The following GPR139 variants were observed in gnomAD, a reference collection of about 807,000 sequenced individuals.
GPR139 encodes probable G protein-coupled receptor 139.
In GPR139, 12 loss-of-function variants were observed where a neutral mutation model predicts 25.8. The observed-to-expected ratio is 0.47, with a 90% CI of 0.30 to 0.75. The LOEUF (loss-of-function observed/expected upper bound fraction) is 0.75. Among genes scored for constraint, GPR139 ranks in the 30% least tolerant of loss-of-function variants. GPR139 has a pLI of 0.07. For synonymous variants in GPR139, 184 were observed against 179.9 expected (o/e 1.02, Z -0.18); for missense variants, 380 against 450.2 (o/e 0.84, Z 1.41).
chr16:20,063,166 A>G (rs1045466311), intron 1 of GPR139, among the ~76,000 whole-genome samples: 2 of 152,222 alleles, frequency 1.3e-5, no homozygotes, highest in Admixed American at 1.3e-4. Context: ...TGGTTATTCT[A>G]TTGGACGGCA....
chr16:20,045,441 T>G (rs1383916444), intron 1 of GPR139, among the ~76,000 whole-genome samples: 3 of 152,226 alleles, frequency 2.0e-5, no homozygotes, highest in Non-Finnish European at 4.4e-5. Flanking sequence ...GACCCAGGAT[T>G]CAAAAACAAT....
At chr16:20,065,464 C>A (rs941773402) in intron 1 of GPR139, among the ~76,000 whole-genome samples, 1 of 152,134 alleles carries the variant, frequency 6.6e-6, no homozygotes, top group African/African-American at 2.4e-5. Flanking sequence ...AGCTGAGAAG[C>A]AGTACTGAAT....
chr16:20,044,442 G>A (rs898960360), intron 1 of GPR139, among the ~76,000 whole-genome samples: 1 of 152,152 alleles, frequency 6.6e-6, no homozygotes. Flanking sequence ...AAATGAGTGA[G>A]TTCATAATAG....
At chr16:20,069,776 T>A (rs1407219112) in intron 1 of GPR139, among the ~76,000 whole-genome samples, 1 of 152,156 alleles carries the variant, frequency 6.6e-6, no homozygotes, top group African/African-American at 2.4e-5. Flanking sequence ...GGCCCACCCA[T>A]CCTCCCTCTC....
chr16:20,069,957 A>G (rs1239886243), intron 1 of GPR139, among the ~76,000 whole-genome samples: 2 of 152,112 alleles, frequency 1.3e-5, no homozygotes, highest in Admixed American at 1.3e-4. Flanking sequence ...CTTAAAAAGG[A>G]GGAGGAAAGG....
At chr16:20,044,789 C>G (rs2057348212) in intron 1 of GPR139, among the ~76,000 whole-genome samples, 1 of 152,102 alleles carries the variant, frequency 6.6e-6, no homozygotes, top group Non-Finnish European at 1.5e-5. Flanking sequence ...AAAGTAGGTG[C>G]TATTTTCATC....
At chr16:20,071,091 A>G (rs2057458190) in intron 1 of GPR139, 1 of 634,460 alleles carries the variant, frequency 1.6e-6, no homozygotes, top group Non-Finnish European at 2.0e-6. Flanking sequence ...CGCTAGTGCC[A>G]TCATCTGCAG....
At chr16:20,066,661 T>C (rs551959441) in intron 1 of GPR139, among the ~76,000 whole-genome samples, 1 of 152,352 alleles carries the variant, frequency 6.6e-6, no homozygotes, top group Admixed American at 6.5e-5. Flanking sequence ...TCCTACAATG[T>C]GTGAGGCACT....
chr16:20,039,301 A>G (rs966921604), intron 1 of GPR139, among the ~76,000 whole-genome samples: 1 of 152,200 alleles, frequency 6.6e-6, no homozygotes, highest in Non-Finnish European at 1.5e-5. Context: ...GAAAGGGTCA[A>G]GGTCTTCTAG....
rs979968824 is a variant in GPR139 at position 20,031,325 on chromosome 16, G to A, written c.*410C>T. Among the ~76,000 whole-genome samples, 10 of 152,106 alleles carry A rather than the reference G, an allele frequency of 6.6e-5. No homozygotes were observed. Among genetic ancestry groups the A allele is most frequent in the African/African-American group, 2.4e-4 (10 of 41,410 alleles). ...GAAGTGATGAATGACCTCAGCTCTCGGAAGAAGAGTGCAGGCTCAGCTATG... is the reference window on the plus strand; with the variant it reads ...GAAGTGATGAATGACCTCAGCTCTCAGAAGAAGAGTGCAGGCTCAGCTATG... On this transcript the variant is annotated 3_prime_UTR_variant, in exon 2 of 2. Transcript: ENST00000570682.
At chr16:20,071,017 T>C in intron 1 of GPR139, 1 of 985,332 alleles carries the variant, frequency 1.0e-6, no homozygotes, top group Non-Finnish European at 1.2e-6. Flanking sequence ...ATCGGCTTCA[T>C]GATATCTATG....
intron 1 of GPR139, among the ~76,000 whole-genome samples, chr16:20,054,812 C>T (rs1274037006): frequency 2.6e-5 from 4 of 152,096 alleles, no homozygotes; most frequent in Admixed American, 6.6e-5. Context: ...ACTGCAGCCT[C>T]GACCTCCCAG....
At chr16:20,046,573 C>T (rs1011131114) in intron 1 of GPR139, among the ~76,000 whole-genome samples, 1 of 152,142 alleles carries the variant, frequency 6.6e-6, no homozygotes, top group Non-Finnish European at 1.5e-5. Context: ...GCTACATGAC[C>T]AAGTGGTAAG....
chr16:20,059,336 T>C (rs1223779429), intron 1 of GPR139, among the ~76,000 whole-genome samples: 1 of 152,200 alleles, frequency 6.6e-6, no homozygotes, highest in Non-Finnish European at 1.5e-5. Flanking sequence ...TAGCCCAGCC[T>C]GTGCCTATCT....
At chr16:20,062,858 CT>C (rs1385028962) in intron 1 of GPR139, among the ~76,000 whole-genome samples, 2 of 152,270 alleles carry the variant, frequency 1.3e-5, no homozygotes, top group Non-Finnish European at 2.9e-5. Flanking sequence ...AGATATTTAA[CT>C]TTTTTTCATG....
chr16:20,062,726 A>G (rs2057418270), intron 1 of GPR139, among the ~76,000 whole-genome samples: 1 of 152,246 alleles, frequency 6.6e-6, no homozygotes, highest in Non-Finnish European at 1.5e-5. Flanking sequence ...AGTCATATAT[A>G]CAATTAAAAT....
chr16:20,033,307 G>C (rs1350096172), intron 1 of GPR139, among the ~76,000 whole-genome samples: 1 of 152,148 alleles, frequency 6.6e-6, no homozygotes, highest in Non-Finnish European at 1.5e-5. Flanking sequence ...GAATGAAGCT[G>C]GGGCTCTGAG....
In GPR139 at chr16:20,073,387, G is replaced by C. The variant is rs1596473323; in HGVS notation, c.127+103C>G. ...TGCCCTTAAAGCTTAAACTTTTTCC[G>C]AGGGGGCGCCAGGGAACGCACGGGG... On this transcript the variant is annotated intron_variant, in intron 1 of 1. Coordinates refer to ENST00000570682, the MANE Select transcript of GPR139 (RefSeq NM_001002911.4). The surrounding 1 kb of genome is among the most constrained non-coding windows in gnomAD (Gnocchi z 4.7). 1 of 1,511,116 alleles carries C rather than the reference G, an allele frequency of 6.6e-7. No homozygotes were observed. The highest frequency in any genetic ancestry group is 1.2e-5 in the South Asian group (1 of 82,354). 93.6% of individuals were successfully genotyped at this position (1,511,116 alleles called of 1,614,324 possible).
intron 1 of GPR139, among the ~76,000 whole-genome samples, chr16:20,052,433 T>C (rs1386576789): frequency 3.3e-5 from 5 of 152,254 alleles, no homozygotes. Context: ...CTCATAGTGA[T>C]GATGCTGCTG....
Sources: gnomAD v4.1 joint callset for allele counts (sites outside exome capture counted in the v4.1 genomes callset) on GRCh38, gnomAD v4.1.1 for gene constraint, Gnocchi (gnomAD v3.1) non-coding constraint, MANE v1.5 for transcripts, NCBI Gene and HGNC (gene_info 2026-07-23, HGNC 2026-07-21) for gene names.